The following RNF144A variants were observed in gnomAD, a reference collection of about 807,000 sequenced individuals.
The protein encoded by RNF144A is ring finger protein 144A, also known as E3 ubiquitin-protein ligase RNF144A.
A neutral mutation model predicts 38.7 loss-of-function variants in RNF144A; 11 were observed. That is an observed-to-expected ratio of 0.28 (90% CI 0.18 to 0.47). The LOEUF (loss-of-function observed/expected upper bound fraction) is 0.47, where lower values mean the gene tolerates loss of function less well. Among genes scored for constraint, RNF144A ranks in the 20% least tolerant of loss-of-function variants. RNF144A has a pLI of 0.99. For missense variants in RNF144A, 316 were observed against 377.2 expected, an observed-to-expected ratio of 0.84 and a Z score of 1.34; for synonymous variants, 149 against 143.9, an observed-to-expected ratio of 1.04 and a Z score of -0.25.
intron 2 of RNF144A, chr2:6,978,620 T>C (rs1017147101): frequency 6.6e-6 from 1 of 152,654 alleles, no homozygotes; most frequent in African/African-American, 2.4e-5. Flanking sequence ...CTCTGTTTCC[T>C]TCCAGGAAAG....
chr2:6,948,365 A>G lies in RNF144A; in HGVS notation c.-12+7218A>G, dbSNP rs181914806. Among the ~76,000 whole-genome samples, 20 of 152,366 alleles carry G rather than the reference A, an allele frequency of 1.3e-4. No individual in the cohort carries two copies. The East Asian group carries it at 2.7e-3, about 21-fold the overall frequency. ...ATCCTGCCCAGAGGTCTAGGGACAC[A>G]TGAAATACCTCATGGTTGCTGCTGA... is the stretch of plus-strand genomic sequence containing the variant. On this transcript the variant is annotated intron_variant, in intron 2 of 8. Coordinates refer to ENST00000320892, the MANE Select transcript of RNF144A (RefSeq NM_014746.6).
At chr2:7,021,162 C>T (rs934165086) in intron 6 of RNF144A, among the ~76,000 whole-genome samples, 1 of 152,162 alleles carries the variant, frequency 6.6e-6, no homozygotes, top group Non-Finnish European at 1.5e-5. Context: ...GCTGTTTGCC[C>T]AGGAGAATGC....
At chr2:6,952,179 G>GT (rs758647251) in intron 2 of RNF144A, among the ~76,000 whole-genome samples, 2 of 151,996 alleles carry the variant, frequency 1.3e-5, no homozygotes, top group East Asian at 1.9e-4. Context: ...GGTTCTCACT[G>GT]TTTTTTTATG....
intron 2 of RNF144A, among the ~76,000 whole-genome samples, chr2:6,963,303 G>A (rs1667457504): frequency 6.6e-6 from 1 of 152,164 alleles, no homozygotes; most frequent in Non-Finnish European, 1.5e-5. Context: ...AATGATTTGG[G>A]GGGCATGAAA....
chr2:6,921,428 C>T (rs1015516898), intron 1 of RNF144A, among the ~76,000 whole-genome samples: 34 of 152,206 alleles, frequency 2.2e-4, no homozygotes, highest in African/African-American at 7.5e-4. Flanking sequence ...TTTGCCTGAT[C>T]TTCAGGGCTT....
intron 6 of RNF144A, among the ~76,000 whole-genome samples, chr2:7,064,995 T>C (rs2103481929): frequency 6.6e-6 from 1 of 152,302 alleles, no homozygotes; most frequent in Non-Finnish European, 1.5e-5. Context: ...TAAAACTTTC[T>C]GTGACAATCT....
chr2:7,030,958 G>A (rs1314394819), intron 8 of RNF144A, among the ~76,000 whole-genome samples: 1 of 152,006 alleles, frequency 6.6e-6, no homozygotes, highest in Admixed American at 6.6e-5. Context: ...CCTCGCATGC[G>A]CAGTTCACAA....
At chr2:6,982,475 C>T (rs903548192) in intron 2 of RNF144A, among the ~76,000 whole-genome samples, 1 of 152,096 alleles carries the variant, frequency 6.6e-6, no homozygotes, top group African/African-American at 2.4e-5. Context: ...GATAACTAGG[C>T]AATAAAGAAA....
intron 3 of RNF144A, among the ~76,000 whole-genome samples, chr2:7,013,532 A>G (rs1025137471): frequency 6.6e-6 from 1 of 152,220 alleles, no homozygotes; most frequent in Non-Finnish European, 1.5e-5. Context: ...GACTGTGATT[A>G]AAGTTGATTT....
At chr2:6,930,720 T>C (rs776105318) in intron 1 of RNF144A, among the ~76,000 whole-genome samples, 2 of 152,144 alleles carry the variant, frequency 1.3e-5, no homozygotes, top group African/African-American at 2.4e-5. Flanking sequence ...GCCTCCTGAA[T>C]AGCTGGGACC....
intron 5 of RNF144A, among the ~76,000 whole-genome samples, chr2:7,019,225 G>A (rs956903611): frequency 2.0e-5 from 3 of 152,214 alleles, no homozygotes; most frequent in Non-Finnish European, 4.4e-5. Flanking sequence ...TGTATTTGGG[G>A]AACATGGTAA....
chr2:6,981,629 G>A (rs966134559), intron 2 of RNF144A, among the ~76,000 whole-genome samples: 4 of 152,104 alleles, frequency 2.6e-5, no homozygotes, highest in South Asian at 2.1e-4. Flanking sequence ...TTGTCGATAC[G>A]ACTGTCAGCA....
chr2:6,996,760 A>AC (rs1008333893), intron 2 of RNF144A, 156 bp from the exon 3 acceptor site: 36 of 741,858 alleles, frequency 4.9e-5, no homozygotes, highest in African/African-American at 3.9e-4. Flanking sequence ...CTCAAAAAAA[A>AC]CCAAAAAATT....
Position 7,024,500 on chromosome 2 carries a change from G to A in RNF144A, c.641G>A (p.Cys214Tyr), listed in dbSNP as rs772236095. 1.2e-6 allele frequency: 2 copies of A among 1,609,220 alleles called. No homozygotes were observed. The highest frequency in any genetic ancestry group is 1.1e-5 in the South Asian group (1 of 90,982). The change falls in exon 7 of 9, where the codon TGC (cysteine) becomes TAC (tyrosine). Residue 214 changes from cysteine (C) to tyrosine (Y), a missense_variant. Cys to Tyr is a radical substitution (Grantham distance 194). Coordinates refer to ENST00000320892, the MANE Select transcript of RNF144A (RefSeq NM_014746.6). The part of the protein sequence containing the change: ...KNCKHAFCWY[C>Y]LESLDDDFLL... ...TGCAAGCACGCCTTCTGCTGGTACT[G>A]CCTGGAGTCTCTGGACGTGAGTACG...
At chr2:6,997,211 T>C in intron 3 of RNF144A, 150 bp downstream of exon 3, 2 of 688,186 alleles carry the variant, frequency 2.9e-6, no homozygotes, top group Non-Finnish European at 4.8e-6. Flanking sequence ...CTTGGAAGAA[T>C]TATTCTGTTA....
intron 6 of RNF144A, among the ~76,000 whole-genome samples, chr2:7,067,965 G>A (rs1010573884): frequency 7.2e-5 from 11 of 152,164 alleles, no homozygotes; most frequent in Non-Finnish European, 1.6e-4. Flanking sequence ...TTAGATTTCT[G>A]TAGCCAGAAT....
At chr2:6,948,790 A>G (rs768770875) in intron 2 of RNF144A, among the ~76,000 whole-genome samples, 2 of 152,148 alleles carry the variant, frequency 1.3e-5, no homozygotes, top group African/African-American at 2.4e-5. Context: ...ATTTCTGGAC[A>G]TTGGTGTTTT....
chr2:6,971,898 T>G (rs1488274136), intron 2 of RNF144A, among the ~76,000 whole-genome samples: 2 of 152,228 alleles, frequency 1.3e-5, no homozygotes, highest in Non-Finnish European at 2.9e-5. Context: ...ATTCCTGATT[T>G]TGTTCTTTTG....
chr2:7,075,896 C>T, the RNF144A span, among the ~76,000 whole-genome samples: 9 of 152,234 alleles, frequency 5.9e-5, no homozygotes, highest in South Asian at 1.5e-3. Flanking sequence ...CCTTGGAAAG[C>T]GTAATCTGCC....
Sources: allele counts gnomAD v4.1 joint callset (sites outside exome capture counted in the v4.1 genomes callset), GRCh38; gene constraint gnomAD v4.1.1; transcripts MANE v1.5; gene names NCBI Gene and HGNC (gene_info 2026-07-23, HGNC 2026-07-21).